The following NAV3 variants were observed in gnomAD, a reference collection of about 807,000 sequenced individuals.
NAV3 encodes the protein pore membrane and/or filament interacting like protein 1.
In NAV3, 87 loss-of-function variants were observed where a neutral mutation model predicts 244.7. The ratio of observed to expected loss-of-function variants is 0.36; its 90% CI spans 0.30 to 0.42. The LOEUF (loss-of-function observed/expected upper bound fraction) is 0.42. Among genes scored for constraint, NAV3 ranks in the 20% least tolerant of loss-of-function variants. The probability of loss-of-function intolerance (pLI) is 1.00; values close to 1 mark genes in which losing one functional copy is unlikely to be tolerated. For missense variants in NAV3, 2,663 were observed against 2,893.3 expected, an observed-to-expected ratio of 0.92 and a Z score of 1.83; for synonymous variants, 1,126 against 1,042.2, an observed-to-expected ratio of 1.08 and a Z score of -1.55.
At chr12:77,843,417 GTGTT>G (rs1876046097) in intron 1 of NAV3, among the ~76,000 whole-genome samples, 1 of 151,670 alleles carries the variant, frequency 6.6e-6, no homozygotes, top group African/African-American at 2.4e-5. Flanking sequence ...GTGTGTGTGT[GTGTT>G]TGTGTGTGTA....
At chr12:77,587,045 T>C (rs1427796603) in intron 2 of NAV3, among the ~76,000 whole-genome samples, 1 of 152,176 alleles carries the variant, frequency 6.6e-6, no homozygotes, top group African/African-American at 2.4e-5. Context: ...TATTTTTCCT[T>C]ATGTGAAAGT....
intron 30 of NAV3, among the ~76,000 whole-genome samples, chr12:78,182,789 G>T (rs1958555617): frequency 6.6e-6 from 1 of 151,516 alleles, no homozygotes; most frequent in South Asian, 2.1e-4. Flanking sequence ...TTTTTCAATA[G>T]TGATACTTAT....
chr12:77,910,192 G>A (rs1230964817), intron 1 of NAV3, among the ~76,000 whole-genome samples: 1 of 152,026 alleles, frequency 6.6e-6, no homozygotes, highest in Non-Finnish European at 1.5e-5. Flanking sequence ...TCACAGTTCT[G>A]TAGACTGTAC....
upstream of NAV3, among the ~76,000 whole-genome samples, chr12:77,829,820 A>G (rs1277703001): frequency 6.6e-6 from 1 of 152,214 alleles, no homozygotes; most frequent in Non-Finnish European, 1.5e-5. Context: ...AAAAGTACGT[A>G]GTGATTTAAA....
At chr12:77,766,734 A>ATTTTTTTTTTTT (rs1565805085) in intron 2 of NAV3, among the ~76,000 whole-genome samples, 3 of 53,344 alleles carry the variant, frequency 5.6e-5, no homozygotes, top group African/African-American at 1.5e-4. Context: ...CAGGCAATTA[A>ATTTTTTTTTTTT]GTTTTTTTTT....
At chr12:77,851,488 T>C (rs943660355) in intron 1 of NAV3, among the ~76,000 whole-genome samples, 2 of 152,170 alleles carry the variant, frequency 1.3e-5, no homozygotes, top group African/African-American at 4.8e-5. Flanking sequence ...TTGTGCTCAA[T>C]GAAATCTAAC....
At chr12:78,027,948 T>TTTTTG (rs962465952) in intron 9 of NAV3, among the ~76,000 whole-genome samples, 39 of 152,270 alleles carry the variant, frequency 2.6e-4, no homozygotes, top group Non-Finnish European at 4.1e-4. Context: ...GAAGCGTTTT[T>TTTTTG]TTTTGTTTTG....
At position 78,133,821 on chromosome 12, in the gene NAV3, C is replaced by T. The variant is rs573648473; in HGVS notation, c.4442-3356C>T. On this transcript the variant is annotated intron_variant, in intron 18 of 39. Coordinates refer to ENST00000397909, the MANE Select transcript of NAV3 (RefSeq NM_001024383.2). ...ACTTCATTTGGGAAAATAACCCAAT[C>T]TCTACCCTTCAATTTTTTATGAATG... is the stretch of plus-strand genomic sequence containing the variant. 6.6e-5 allele frequency among the ~76,000 whole-genome samples: 10 copies of T among 152,210 alleles called. No homozygotes were observed. The East Asian group carries it at 1.2e-3, about 18-fold the overall frequency.
At chr12:77,705,767 AG>A (rs1875770093) in intron 2 of NAV3, among the ~76,000 whole-genome samples, 1 of 151,418 alleles carries the variant, frequency 6.6e-6, no homozygotes, top group Non-Finnish European at 1.5e-5. Context: ...TATGCCATCA[AG>A]GGGGTTTTGT....
intron 16 of NAV3, among the ~76,000 whole-genome samples, chr12:78,123,334 GTTTTTTTTATT>G (rs1263809999): frequency 5.2e-5 from 7 of 133,914 alleles, no homozygotes; most frequent in African/African-American, 1.1e-4. Flanking sequence ...GTCTTCCCCT[GTTTTTTTTATT>G]TTTTTTTTAT....
chr12:77,730,873 A>G (rs1178966301), intron 2 of NAV3, among the ~76,000 whole-genome samples: 7 of 151,818 alleles, frequency 4.6e-5, no homozygotes, highest in Non-Finnish European at 4.4e-5. Context: ...TAAAGGGCAC[A>G]TTTGAAGCTG....
chr12:77,808,084 T>A (rs1872077807), intron 2 of NAV3, among the ~76,000 whole-genome samples: 1 of 152,168 alleles, frequency 6.6e-6, no homozygotes, highest in African/African-American at 2.4e-5. Flanking sequence ...TCTAACCTTT[T>A]TGCAAGGTTC....
intron 2 of NAV3, among the ~76,000 whole-genome samples, chr12:77,699,773 G>A (rs1875477916): frequency 1.4e-5 from 2 of 146,000 alleles, no homozygotes. Context: ...AGTGAGCAAG[G>A]CCATGTCTGC....
intron 1 of NAV3, among the ~76,000 whole-genome samples, chr12:77,888,915 G>A (rs1883617670): frequency 6.6e-6 from 1 of 152,026 alleles, no homozygotes; most frequent in South Asian, 2.1e-4. Flanking sequence ...TATATAATAT[G>A]GACAAGTGAT....
intron 2 of NAV3, among the ~76,000 whole-genome samples, chr12:77,651,850 G>A (rs779007068): frequency 6.6e-5 from 10 of 152,202 alleles, no homozygotes; most frequent in Admixed American, 2.6e-4. Context: ...GCTGGGTGTA[G>A]CAACAACTGG....
chr12:77,837,038 T>C (rs755473334), intron 1 of NAV3, among the ~76,000 whole-genome samples: 1 of 152,062 alleles, frequency 6.6e-6, no homozygotes, highest in Non-Finnish European at 1.5e-5. Context: ...ATAAATAATA[T>C]TGTCATGCAA....
rs2136553703 is a variant in NAV3 at position 78,006,433 on chromosome 12, C to T, written c.895C>T (p.Pro299Ser). The change falls in exon 8 of 40, where the codon CCT becomes TCT. Residue 299 changes from proline (P) to serine (S), a missense_variant. Physicochemically the swap from Pro to Ser is moderately conservative, Grantham distance 74 (BLOSUM62 -1). Around this residue, in one of 6 missense-constraint regions of NAV3, gnomAD observed 1,521 missense variants for 1,497.0 expected, o/e 1.02. Coordinates refer to ENST00000397909, the MANE Select transcript of NAV3 (RefSeq NM_001024383.2). ...NGNEKDSSKG[P>S]QSSSGVNGNV... is the part of the protein sequence containing the mutation. ...ACAATGTCCAGATTCCTCCAAAGGACCTCAATCGTCTTCAGGTGTAAATGG... is the reference window on the plus strand; with the variant it reads ...ACAATGTCCAGATTCCTCCAAAGGATCTCAATCGTCTTCAGGTGTAAATGG... 3 of 1,613,388 alleles carry T rather than the reference C, an allele frequency of 1.9e-6. No individual in the cohort carries two copies. The highest frequency in any genetic ancestry group is 2.5e-6 in the Non-Finnish European group (3 of 1,179,490).
At chr12:77,574,654 C>T (rs764214718) in intron 2 of NAV3, among the ~76,000 whole-genome samples, 72 of 152,088 alleles carry the variant, frequency 4.7e-4, no homozygotes, top group Non-Finnish European at 7.8e-4. Flanking sequence ...GCATATTGTA[C>T]ACATTCAAAG....
chr12:78,071,433 C>T (rs1446281802), intron 12 of NAV3, among the ~76,000 whole-genome samples: 1 of 151,600 alleles, frequency 6.6e-6, no homozygotes, highest in Non-Finnish European at 1.5e-5. Flanking sequence ...TGTTTGAGTT[C>T]ATTGTAGATT....
Sources: allele counts gnomAD v4.1 joint callset (sites outside exome capture counted in the v4.1 genomes callset), GRCh38; gene constraint gnomAD v4.1.1; regional missense constraint gnomAD v4.1.1; transcripts MANE v1.5; gene names NCBI Gene and HGNC (gene_info 2026-07-23, HGNC 2026-07-21).